Variants in ABL2 observed in about 807,000 individuals in gnomAD.
ABL2 encodes tyrosine-protein kinase ABL2.
Under a neutral mutation model 107.7 loss-of-function variants are expected in ABL2, and 49 were observed. The ratio of observed to expected loss-of-function variants is 0.45; its 90% CI spans 0.36 to 0.58. The LOEUF (loss-of-function observed/expected upper bound fraction) is 0.58. Among genes scored for constraint, ABL2 ranks in the 20% least tolerant of loss-of-function variants. ABL2 has a pLI of 0.00. For synonymous variants in ABL2, 549 were observed against 548.6 expected (o/e 1.00, Z -0.01); for missense variants, 1,245 against 1,457.0 (o/e 0.85, Z 2.37).
At chr1:179,121,085 G>A (rs1655147113) in intron 5 of ABL2, among the ~76,000 whole-genome samples, 1 of 152,182 alleles carries the variant, frequency 6.6e-6, no homozygotes, top group African/African-American at 2.4e-5. Flanking sequence ...GGCTCTGGGA[G>A]AATCAAGTGA....
intron 1 of ABL2, among the ~76,000 whole-genome samples, chr1:179,138,521 T>C (rs185236834): frequency 2.6e-4 from 40 of 152,336 alleles, no homozygotes; most frequent in Admixed American, 7.2e-4. Flanking sequence ...AATAACACCA[T>C]TGGGACTCAA....
chr1:179,160,174 A>G (rs887621798), intron 1 of ABL2, among the ~76,000 whole-genome samples: 16 of 152,136 alleles, frequency 1.1e-4, no homozygotes, highest in Admixed American at 6.6e-4. Flanking sequence ...CCATACTTAT[A>G]TAACTTCTAT....
intron 1 of ABL2, among the ~76,000 whole-genome samples, chr1:179,190,888 A>G (rs1660971479): frequency 6.6e-6 from 1 of 152,222 alleles, no homozygotes; most frequent in Non-Finnish European, 1.5e-5. Context: ...CAAAGTTGCC[A>G]TAACAAAACA....
chr1:179,131,949 T>C (rs1656371763), intron 2 of ABL2, among the ~76,000 whole-genome samples: 1 of 152,220 alleles, frequency 6.6e-6, no homozygotes, highest in South Asian at 2.1e-4. Flanking sequence ...AAACAAACTG[T>C]AGAAAAGACA....
At chr1:179,197,035 A>G (rs752080825) in intron 1 of ABL2, among the ~76,000 whole-genome samples, 1 of 152,232 alleles carries the variant, frequency 6.6e-6, no homozygotes, top group African/African-American at 2.4e-5. Context: ...AATATATCAA[A>G]CAGAAGTTAT....
intron 8 of ABL2, among the ~76,000 whole-genome samples, chr1:179,115,785 G>T (rs1003973625): frequency 6.6e-6 from 1 of 152,018 alleles, no homozygotes; most frequent in African/African-American, 2.4e-5. Flanking sequence ...AAATAAAAAT[G>T]GATTCATTTA....
At chr1:179,178,055 GGTTCAA>G (rs1459740362) in intron 1 of ABL2, among the ~76,000 whole-genome samples, 2 of 152,130 alleles carry the variant, frequency 1.3e-5, no homozygotes, top group Non-Finnish European at 2.9e-5. Flanking sequence ...GGAAATAAAA[GGTTCAA>G]GTTCCAACAT....
chr1:179,208,299 C>G (rs1209742397), intron 1 of ABL2, among the ~76,000 whole-genome samples: 1 of 151,962 alleles, frequency 6.6e-6, no homozygotes, highest in Non-Finnish European at 1.5e-5. Context: ...CCCTTGCCCC[C>G]CCCATTCCTT....
chr1:179,116,565 C>CA (rs35356594), intron 8 of ABL2, among the ~76,000 whole-genome samples: 79,276 of 149,552 alleles, frequency 0.53, 21,218 homozygotes, highest in Middle Eastern at 0.58. Flanking sequence ...GGCTGGAGTA[C>CA]AATGGTGTGA....
chr1:179,106,531 A>G lies in ABL2; in HGVS notation c.*1187T>C, dbSNP rs529674889. The G allele has an allele frequency of 3.7e-4, 87 of 233,068 alleles. No individual in the cohort carries two copies. The highest frequency in any genetic ancestry group is 6.8e-4 in the Non-Finnish European group (80 of 117,944). The allele number at this position is 233,068 out of a possible 1,614,324, so 14.4% of individuals were successfully genotyped here. Reference sequence around the variant, plus strand: ...TGTGAGAGAAGAAAAGCATGTGAGAATAATGTGGGGGTGATTCACTTCAAA... The same window carrying G: ...TGTGAGAGAAGAAAAGCATGTGAGAGTAATGTGGGGGTGATTCACTTCAAA... On this transcript the variant is annotated 3_prime_UTR_variant, in exon 12 of 12. Coordinates refer to ENST00000502732, the MANE Select transcript of ABL2 (RefSeq NM_007314.4).
chr1:179,229,077 G>A (rs1183087728), intron 1 of ABL2, among the ~76,000 whole-genome samples, 164 bp downstream of exon 1: 1 of 152,030 alleles, frequency 6.6e-6, no homozygotes, highest in Non-Finnish European at 1.5e-5. Context: ...GGGGAGGGGT[G>A]TGACTCGCCT....
intron 1 of ABL2, among the ~76,000 whole-genome samples, chr1:179,218,678 G>T (rs532714086): frequency 6.6e-6 from 1 of 152,184 alleles, no homozygotes; most frequent in Non-Finnish European, 1.5e-5. Context: ...GATTACAGGC[G>T]TGAGCCACCA....
chr1:179,176,082 T>C (rs1330778971), intron 1 of ABL2, among the ~76,000 whole-genome samples: 4 of 151,980 alleles, frequency 2.6e-5, no homozygotes, highest in African/African-American at 9.7e-5. Context: ...TCTCAACTCC[T>C]GACCTCAAGT....
intron 1 of ABL2, among the ~76,000 whole-genome samples, chr1:179,169,333 G>C (rs1659580375): frequency 6.6e-6 from 1 of 152,110 alleles, no homozygotes; most frequent in Admixed American, 6.5e-5. Flanking sequence ...CAGATCACAA[G>C]GTCAGGAGAT....
At chr1:179,210,107 T>TC in intron 1 of ABL2, among the ~76,000 whole-genome samples, 1 of 151,690 alleles carries the variant, frequency 6.6e-6, no homozygotes, top group East Asian at 1.9e-4. Flanking sequence ...CAAGCAATCT[T>TC]CCCCCTCAGC....
In ABL2 at chr1:179,108,048, T is replaced by A; in HGVS notation, c.3219A>T (p.Lys1073Asn). 1 of 1,614,190 alleles carries A rather than the reference T, an allele frequency of 6.2e-7. No individual in the cohort carries two copies. The highest frequency in any genetic ancestry group is 8.5e-7 in the Non-Finnish European group (1 of 1,180,032). The change falls in exon 12 of 12, where the codon AAA (lysine) becomes AAT (asparagine). Residue 1073 changes from lysine (K) to asparagine (N), a missense_variant. Lys to Asn is a moderately conservative substitution (Grantham distance 94). This residue lies in a region of ABL2 where 761 missense variants were observed against 766.4 expected (regional missense o/e 0.99). Coordinates refer to ENST00000502732, the MANE Select transcript of ABL2 (RefSeq NM_007314.4). ...CTGCTGAGATTTTCTCAGCGGCCTG[T>A]TTGGTTTTTCTCAGAGCCACTTTAG... ...AGTKVALRKT[K>N]QAAEKISADK...
chr1:179,203,832 T>G (rs1661807075), intron 1 of ABL2, among the ~76,000 whole-genome samples: 1 of 152,220 alleles, frequency 6.6e-6, no homozygotes, highest in South Asian at 2.1e-4. Context: ...GCAGTACACT[T>G]GAGCTAAACT....
At chr1:179,142,361 A>T (rs902303237) in intron 1 of ABL2, among the ~76,000 whole-genome samples, 1 of 152,244 alleles carries the variant, frequency 6.6e-6, no homozygotes, top group African/African-American at 2.4e-5. Flanking sequence ...AAAGTAAATT[A>T]TCATGATTGA....
chr1:179,201,837 G>A (rs1661686673), intron 1 of ABL2: 2 of 1,229,784 alleles, frequency 1.6e-6, no homozygotes. Flanking sequence ...CATGGTGACA[G>A]AAGAAGACAA....
Sources: gnomAD v4.1 joint callset for allele counts (sites outside exome capture counted in the v4.1 genomes callset) on GRCh38, gnomAD v4.1.1 for gene constraint, gnomAD v4.1.1 regional missense constraint, MANE v1.5 for transcripts, NCBI Gene and HGNC (gene_info 2026-07-23, HGNC 2026-07-21) for gene names.